The following PGM5 variants were observed in gnomAD, a reference collection of about 807,000 sequenced individuals.
PGM5 encodes the protein phosphoglucomutase-like protein 5.
In PGM5, 23 loss-of-function variants were observed where a neutral mutation model predicts 59.2. The ratio of observed to expected loss-of-function variants is 0.39; its 90% CI spans 0.28 to 0.55. The LOEUF is 0.55. PGM5 is among the 20% of genes least tolerant of loss of function. The pLI, the probability that PGM5 is intolerant of heterozygous loss-of-function variation, is 0.66. For synonymous variants in PGM5, 214 were observed against 286.0 expected (o/e 0.75, Z 2.54); for missense variants, 574 against 748.3 (o/e 0.77, Z 2.72).
At chr9:68,396,769 A>C (rs1240335002) in intron 6 of PGM5, 2 of 152,156 alleles carry the variant, frequency 1.3e-5, no homozygotes, top group Admixed American at 6.6e-5. Context: ...CAGCTTCAAA[A>C]TTTCGACCTT....
intron 6 of PGM5, among the ~76,000 whole-genome samples, chr9:68,399,969 T>C (rs1763157684): frequency 6.6e-6 from 1 of 152,180 alleles, no homozygotes; most frequent in Non-Finnish European, 1.5e-5. Flanking sequence ...CACTAATCAC[T>C]GGGTTTTGTT....
At chr9:68,391,288 GA>G (rs1822357373) in intron 4 of PGM5, among the ~76,000 whole-genome samples, 1 of 152,008 alleles carries the variant, frequency 6.6e-6, no homozygotes, top group African/African-American at 2.4e-5. Flanking sequence ...AATTTCAGGT[GA>G]AAAAATTTAT....
At chr9:68,470,997 C>T (rs1824010818) in intron 7 of PGM5, among the ~76,000 whole-genome samples, 1 of 152,210 alleles carries the variant, frequency 6.6e-6, no homozygotes. Context: ...GGAAACAGAA[C>T]TCTCACTTAG....
chr9:68,486,211 A>G (rs1208610970), intron 9 of PGM5, among the ~76,000 whole-genome samples: 2 of 152,208 alleles, frequency 1.3e-5, no homozygotes, highest in Non-Finnish European at 2.9e-5. Context: ...AGAGCCTACC[A>G]AATGCATAAT....
intron 1 of PGM5, among the ~76,000 whole-genome samples, chr9:68,374,727 T>C (rs1394074482): frequency 6.6e-6 from 1 of 152,186 alleles, no homozygotes; most frequent in Non-Finnish European, 1.5e-5. Flanking sequence ...ATCATTCATT[T>C]ATTTTTTCCC....
chr9:68,407,384 C>T (rs1432400840), intron 6 of PGM5, among the ~76,000 whole-genome samples: 1 of 152,306 alleles, frequency 6.6e-6, no homozygotes, highest in East Asian at 1.9e-4. Context: ...CCTCCTGCCT[C>T]GGCCTCTCAA....
At chr9:68,433,868 G>A (rs562049575) in intron 6 of PGM5, among the ~76,000 whole-genome samples, 4 of 152,192 alleles carry the variant, frequency 2.6e-5, no homozygotes, top group Non-Finnish European at 5.9e-5. Flanking sequence ...GAAGGCTCAG[G>A]GCCAAAAGAA....
chr9:68,451,546 G>T (rs1343700845), intron 6 of PGM5, among the ~76,000 whole-genome samples: 2 of 152,152 alleles, frequency 1.3e-5, no homozygotes, highest in Non-Finnish European at 2.9e-5. Flanking sequence ...GTATGATATG[G>T]GATGGGGCCT....
chr9:68,419,954 C>T (rs1038907578), intron 6 of PGM5, among the ~76,000 whole-genome samples: 9 of 152,146 alleles, frequency 5.9e-5, no homozygotes, highest in African/African-American at 1.9e-4. Flanking sequence ...TACCAAATGG[C>T]GTAGCTGCCT....
intron 6 of PGM5, among the ~76,000 whole-genome samples, chr9:68,424,600 G>A (rs1554682585): frequency 6.6e-6 from 1 of 152,202 alleles, no homozygotes; most frequent in Non-Finnish European, 1.5e-5. Flanking sequence ...CACAAGAAAT[G>A]TTAATGGGTG....
intron 6 of PGM5, among the ~76,000 whole-genome samples, chr9:68,424,457 C>T (rs1172036572): frequency 6.6e-6 from 1 of 152,108 alleles, no homozygotes; most frequent in African/African-American, 2.4e-5. Context: ...TTTATAAGGG[C>T]TCTAATCTCA....
chr9:68,513,440 G>C (rs1442091557), intron 10 of PGM5, among the ~76,000 whole-genome samples: 1 of 152,110 alleles, frequency 6.6e-6, no homozygotes, highest in Non-Finnish European at 1.5e-5. Context: ...CAGAAGAAAA[G>C]GGAAAAACGT....
chr9:68,435,284 T>A (rs1156337699), intron 6 of PGM5, among the ~76,000 whole-genome samples: 1 of 152,242 alleles, frequency 6.6e-6, no homozygotes, highest in Non-Finnish European at 1.5e-5. Flanking sequence ...TCACACACCA[T>A]ACAGTTTGCA....
chr9:68,513,574 G>C (rs1824783491), intron 10 of PGM5, among the ~76,000 whole-genome samples: 1 of 152,198 alleles, frequency 6.6e-6, no homozygotes, highest in South Asian at 2.1e-4. Context: ...CTGTGACATT[G>C]CATGTCCCTG....
chr9:68,484,359 A>AC (rs568646876), intron 9 of PGM5, among the ~76,000 whole-genome samples: 93 of 139,636 alleles, frequency 6.7e-4, no homozygotes, highest in African/African-American at 2.4e-3. Flanking sequence ...ACAAAGTGAG[A>AC]CCCCCATCTC....
At chr9:68,430,947 T>A (rs1823334541) in intron 6 of PGM5, among the ~76,000 whole-genome samples, 1 of 152,154 alleles carries the variant, frequency 6.6e-6, no homozygotes, top group Admixed American at 6.5e-5. Context: ...AGCAACCAAT[T>A]TTGTGCCTTG....
intron 7 of PGM5, among the ~76,000 whole-genome samples, chr9:68,471,515 G>A (rs1824017492): frequency 6.6e-6 from 1 of 151,854 alleles, no homozygotes; most frequent in Admixed American, 6.6e-5. Context: ...TTCTTAAACA[G>A]GTTATGGTGG....
intron 9 of PGM5, among the ~76,000 whole-genome samples, chr9:68,496,129 T>TGC (rs1433031858): frequency 7.9e-5 from 12 of 152,316 alleles, no homozygotes; most frequent in South Asian, 2.1e-4. Context: ...AAAAAATAAA[T>TGC]GCGATTATTG....
At chr9:68,499,490 G>T (rs1390147408) in intron 10 of PGM5, 129 bp downstream of exon 10, 2 of 950,526 alleles carry the variant, frequency 2.1e-6, no homozygotes, top group South Asian at 1.7e-5. Flanking sequence ...TGGAGGACAA[G>T]CTCAGGGCAA....
Sources: gnomAD v4.1 joint callset for allele counts (sites outside exome capture counted in the v4.1 genomes callset) on GRCh38, gnomAD v4.1.1 for gene constraint, MANE v1.5 for transcripts, NCBI Gene and HGNC (gene_info 2026-07-23, HGNC 2026-07-21) for gene names.